FANCC: variants seen among roughly 807,000 people sequenced by gnomAD.
FANCC encodes FA complementation group C, also known as Fanconi anemia group C protein.
FANCC carries 55 observed loss-of-function variants against 71.3 expected under a neutral mutation model. The observed-to-expected ratio is 0.77, with a 90% CI of 0.62 to 0.97. FANCC has a LOEUF of 0.97. FANCC is among the 50% of genes least tolerant of loss of function. FANCC has a pLI of 0.00. For synonymous variants in FANCC, 275 were observed against 244.9 expected (o/e 1.12, Z -1.15); for missense variants, 678 against 670.9 (o/e 1.01, Z -0.12).
chr9:95,138,827 C>T (rs1270405196), intron 7 of FANCC, among the ~76,000 whole-genome samples: 2 of 152,186 alleles, frequency 1.3e-5, no homozygotes, highest in Non-Finnish European at 2.9e-5. Flanking sequence ...CTCAAGCACA[C>T]GAGTCACACT....
chr9:95,111,327 T>G lies in FANCC; in HGVS notation c.1329+136A>C, dbSNP rs770256766. The G allele has an allele frequency of 3.8e-6, 6 of 1,597,080 alleles. No individual in the cohort carries two copies. The East Asian group carries it at 1.3e-4, about 36-fold the overall frequency. The stretch of plus-strand genomic sequence containing the variant: ...GGCTGGAGATCACCATGCCTGCAGG[T>G]TGCCATGACATATGCCATCTGTGGG... On this transcript the variant is annotated intron_variant, in intron 13 of 14. Coordinates refer to ENST00000289081, the MANE Select transcript of FANCC (RefSeq NM_000136.3).
intron 4 of FANCC, among the ~76,000 whole-genome samples, chr9:95,191,956 A>G (rs1827142917): frequency 6.6e-6 from 1 of 152,064 alleles, no homozygotes; most frequent in African/African-American, 2.4e-5. Context: ...CCCGAGATCC[A>G]TTTTCCATAA....
chr9:95,113,406 CAA>C (rs1395788042), intron 12 of FANCC, among the ~76,000 whole-genome samples: 3 of 152,128 alleles, frequency 2.0e-5, no homozygotes, highest in Non-Finnish European at 2.9e-5. Flanking sequence ...AAGAGGAAGC[CAA>C]AGAGTGTTAT....
chr9:95,235,653 C>T (rs949055691), intron 4 of FANCC, among the ~76,000 whole-genome samples: 4 of 151,698 alleles, frequency 2.6e-5, no homozygotes, highest in Admixed American at 1.3e-4. Context: ...GAGACCAGCC[C>T]GACCAACATG....
intron 1 of FANCC, among the ~76,000 whole-genome samples, chr9:95,286,171 AAC>A (rs1412766095): frequency 1.3e-5 from 2 of 152,360 alleles, no homozygotes; most frequent in African/African-American, 2.4e-5. Context: ...CAATGTTAAC[AAC>A]AGTTTTCTTT....
intron 3 of FANCC, among the ~76,000 whole-genome samples, chr9:95,241,371 C>G (rs1830617069): frequency 6.6e-6 from 1 of 152,132 alleles, no homozygotes; most frequent in Non-Finnish European, 1.5e-5. Context: ...CTTTATAAAA[C>G]TTTACCAAAC....
At chr9:95,194,207 T>C (rs1389998965) in intron 4 of FANCC, among the ~76,000 whole-genome samples, 5 of 152,196 alleles carry the variant, frequency 3.3e-5, no homozygotes, top group African/African-American at 1.2e-4. Flanking sequence ...GTCATTTTCC[T>C]TCTGCTTGAA....
intron 1 of FANCC, among the ~76,000 whole-genome samples, chr9:95,311,506 G>A (rs553374452): frequency 3.9e-5 from 6 of 152,254 alleles, no homozygotes; most frequent in South Asian, 2.1e-4. Context: ...CCTTTGAACT[G>A]AACCAGGTAA....
chr9:95,304,126 T>C (rs556107577), intron 1 of FANCC, among the ~76,000 whole-genome samples: 6 of 152,230 alleles, frequency 3.9e-5, no homozygotes, highest in Admixed American at 3.9e-4. Flanking sequence ...CAAATGTGAC[T>C]AGAATAACTT....
At chr9:95,111,915 T>C (rs1010812822) in intron 12 of FANCC, among the ~76,000 whole-genome samples, 1 of 152,100 alleles carries the variant, frequency 6.6e-6, no homozygotes, top group African/African-American at 2.4e-5. Context: ...GGACAGGCAC[T>C]GAAGAAGGAA....
chr9:95,148,891 A>T (rs942529156), intron 7 of FANCC, among the ~76,000 whole-genome samples: 3 of 152,224 alleles, frequency 2.0e-5, no homozygotes, highest in Non-Finnish European at 2.9e-5. Flanking sequence ...ATCCACAATG[A>T]TCTGCAATGG....
At position 95,101,519 on chromosome 9, in the gene FANCC, G is replaced by A. The variant is rs2071071530; in HGVS notation, c.*188C>T. 2 of 707,098 alleles carry A rather than the reference G, an allele frequency of 2.8e-6. No homozygotes were observed. Among genetic ancestry groups the A allele is most frequent in the Admixed American group, 2.3e-5 (1 of 43,126 alleles). The allele number at this position is 707,098 out of a possible 1,614,324, so 43.8% of individuals were successfully genotyped here. ...AGTGAACATGTCTGACTGAGTCTGG[G>A]CTGAGGGACCTGGCTCTGCATTTTG... On this transcript the variant is annotated 3_prime_UTR_variant, in exon 15 of 15. Transcript: ENST00000289081.
At chr9:95,163,606 T>C (rs1830881166) in intron 6 of FANCC, among the ~76,000 whole-genome samples, 1 of 152,134 alleles carries the variant, frequency 6.6e-6, no homozygotes, top group African/African-American at 2.4e-5. Context: ...TCCCAGAACT[T>C]TGGGAGGCCA....
At chr9:95,166,137 A>G (rs1280117389) in intron 6 of FANCC, among the ~76,000 whole-genome samples, 1 of 152,002 alleles carries the variant, frequency 6.6e-6, no homozygotes, top group South Asian at 2.1e-4. Flanking sequence ...AGTCTCTTGT[A>G]GCTAGAATAT....
intron 1 of FANCC, among the ~76,000 whole-genome samples, chr9:95,266,014 G>C (rs1424970052): frequency 6.6e-6 from 1 of 152,164 alleles, no homozygotes; most frequent in African/African-American, 2.4e-5. Context: ...AAACGATCCT[G>C]AGCTAAGCAG....
At chr9:95,295,571 G>C (rs1019949519) in intron 1 of FANCC, among the ~76,000 whole-genome samples, 2 of 152,094 alleles carry the variant, frequency 1.3e-5, no homozygotes, top group African/African-American at 4.8e-5. Flanking sequence ...CAGAGTTTGA[G>C]ACCAGCCTAG....
At chr9:95,284,860 T>TCA (rs1180807258) in intron 1 of FANCC, among the ~76,000 whole-genome samples, 1,530 of 125,620 alleles carry the variant, frequency 0.012, 25 homozygotes, top group African/African-American at 0.044. Context: ...CTCCTCTCTC[T>TCA]CACACACACA....
At position 95,164,623 on chromosome 9, in the gene FANCC, TC is replaced by T. The variant is rs1206876335; in HGVS notation, c.521+6455del. Among the ~76,000 whole-genome samples, 23 of 152,292 alleles carry T rather than the reference TC, an allele frequency of 1.5e-4. No homozygotes were observed. The South Asian group carries it at 3.7e-3, about 25-fold the overall frequency. On this transcript the variant is annotated intron_variant, in intron 6 of 14. Transcript: ENST00000289081. ...ATAGTGATTTTTGTATGTTGAGCCATCCTTGTATTCAAGGAATAATTTTCAT... is the reference window on the plus strand; with the variant it reads ...ATAGTGATTTTTGTATGTTGAGCCATCTTGTATTCAAGGAATAATTTTCAT...
Position 95,101,713 on chromosome 9 carries a change from T to C in FANCC, c.1671A>G (p.Gln557=), listed in dbSNP as rs780384904. The part of the protein sequence containing the change: ...ARELLKELRT[Q]V ...CACACGGCCTGCGTGCCTTCTAGAC[T>C]TGAGTTCGCAGCTCTTTAAGGAGCT... The change falls in exon 15 of 15, where the codon CAA becomes CAG. Residue 557 remains glutamine (Q), a synonymous_variant. Transcript: ENST00000289081. 6.2e-7 allele frequency: 1 copy of C among 1,613,976 alleles called. No individual in the cohort carries two copies. Among genetic ancestry groups the C allele is most frequent in the South Asian group, 1.1e-5 (1 of 91,052 alleles).
Sources: gnomAD v4.1 joint callset for allele counts (sites outside exome capture counted in the v4.1 genomes callset) on GRCh38, gnomAD v4.1.1 for gene constraint, MANE v1.5 for transcripts, NCBI Gene and HGNC (gene_info 2026-07-23, HGNC 2026-07-21) for gene names.